PDHX: variants seen among roughly 807,000 people sequenced by gnomAD.
PDHX encodes the protein pyruvate dehydrogenase protein X component, mitochondrial.
Under a neutral mutation model 55.3 loss-of-function variants are expected in PDHX, and 33 were observed. The observed-to-expected ratio is 0.60, with a 90% CI of 0.45 to 0.80. The LOEUF is 0.80. PDHX is among the 30% of genes least tolerant of loss of function. PDHX has a pLI of 0.00. For missense variants in PDHX, 622 were observed against 619.9 expected (o/e 1.00, Z -0.04); for synonymous variants, 226 against 219.4 (o/e 1.03, Z -0.27).
chr11:34,982,922 A>G (rs1855550714), intron 8 of PDHX, among the ~76,000 whole-genome samples: 1 of 152,186 alleles, frequency 6.6e-6, no homozygotes, highest in African/African-American at 2.4e-5. Context: ...AACTCATTTT[A>G]TGAGGCCAGC....
intron 1 of PDHX, among the ~76,000 whole-genome samples, chr11:34,928,689 G>A (rs1854084453): frequency 6.6e-6 from 1 of 152,062 alleles, no homozygotes; most frequent in Admixed American, 6.6e-5. Flanking sequence ...CTTTATGCAC[G>A]TTTTAAGAAT....
intron 3 of PDHX, among the ~76,000 whole-genome samples, chr11:34,952,005 T>G (rs983893109): frequency 9.9e-5 from 15 of 152,154 alleles, no homozygotes; most frequent in Non-Finnish European, 2.2e-4. Context: ...ATCAAATAGT[T>G]GTAGATATGC....
intron 1 of PDHX, among the ~76,000 whole-genome samples, chr11:34,929,335 A>C (rs1311688467): frequency 6.6e-6 from 1 of 152,136 alleles, no homozygotes; most frequent in East Asian, 1.9e-4. Flanking sequence ...GATTCGAGTG[A>C]TTCTCATGCC....
intron 2 of PDHX, among the ~76,000 whole-genome samples, chr11:34,939,537 G>A (rs1489957790): frequency 6.6e-6 from 1 of 151,986 alleles, no homozygotes; most frequent in Non-Finnish European, 1.5e-5. Context: ...TTACACCAAG[G>A]AGGTAAGGGT....
chr11:34,955,826 A>G (rs1446037753), intron 3 of PDHX, among the ~76,000 whole-genome samples: 2 of 151,980 alleles, frequency 1.3e-5, no homozygotes, highest in Admixed American at 6.6e-5. Flanking sequence ...TTAATGCTTT[A>G]CATTTGAATG....
intron 9 of PDHX, among the ~76,000 whole-genome samples, chr11:34,988,073 T>G (rs1043775309): frequency 6.6e-6 from 1 of 152,194 alleles, no homozygotes; most frequent in Non-Finnish European, 1.5e-5. Flanking sequence ...GTTTATGTAT[T>G]TAAACAGATA....
At chr11:34,972,364 G>A (rs1855275073) in intron 7 of PDHX, among the ~76,000 whole-genome samples, 1 of 150,260 alleles carries the variant, frequency 6.7e-6, no homozygotes, top group Non-Finnish European at 1.5e-5. Context: ...TTATCTTTAA[G>A]CACTGCTTTA....
intron 1 of PDHX, 67 bp from the exon 2 acceptor site, chr11:34,931,337 A>G (rs1854159169): frequency 1.2e-6 from 1 of 843,976 alleles, no homozygotes; most frequent in African/African-American, 1.7e-5. Context: ...ATTTACTTGA[A>G]CTTATATTGA....
At position 34,957,539 on chromosome 11, in the gene PDHX, G is replaced by T. The variant is rs781780010; in HGVS notation, c.498G>T (p.Gln166His). The T allele has an allele frequency of 4.3e-6, 7 of 1,613,902 alleles. No individual in the cohort carries two copies. The highest frequency in any genetic ancestry group is 2.2e-5 in the East Asian group (1 of 44,872). Reference sequence around the variant, plus strand: ...AGCCTCGCCCCTCACCAGAACCACAGATTTCCATCCCTGTCAAGAAGGAAC... The same window carrying T: ...AGCCTCGCCCCTCACCAGAACCACATATTTCCATCCCTGTCAAGAAGGAAC... The part of the protein sequence containing the change: ...PSEPRPSPEP[Q>H]ISIPVKKEHI... The change falls in exon 4 of 11, where the codon CAG (glutamine) becomes CAT (histidine). Residue 166 changes from glutamine to histidine, a missense_variant. Transcript: ENST00000227868.
At chr11:34,917,174 A>G (rs915715540) in intron 1 of PDHX, among the ~76,000 whole-genome samples, 1 of 152,130 alleles carries the variant, frequency 6.6e-6, no homozygotes, top group Non-Finnish European at 1.5e-5. Flanking sequence ...CGGACGAGAA[A>G]AAGCTGCCCA....
chr11:34,992,525 A>G (rs550363607), intron 10 of PDHX, 146 bp downstream of exon 10: 1 of 589,930 alleles, frequency 1.7e-6, no homozygotes, highest in South Asian at 2.0e-5. Context: ...ATCTGAAAAA[A>G]TTCTTCAGAC....
rs1279879632 is a variant in PDHX, at chr11:34,916,821, T to C, written c.160+6T>C. On this transcript the variant is annotated splice_donor_region_variant and intron_variant, in intron 1 of 10. Coordinates refer to ENST00000227868, the MANE Select transcript of PDHX (RefSeq NM_003477.3). The stretch of plus-strand genomic sequence containing the variant: ...CAGCACGCAGTGGCTTCGGGGTGAG[T>C]GGCCGGGGCTCGCTCAGCTTCTCTG... 1 of 1,564,274 alleles carries C rather than the reference T, an allele frequency of 6.4e-7. No individual in the cohort carries two copies. Among genetic ancestry groups the C allele is most frequent in the Non-Finnish European group, 8.7e-7 (1 of 1,154,564 alleles).
chr11:34,955,934 A>G (rs1333081235), intron 3 of PDHX, among the ~76,000 whole-genome samples: 6 of 152,140 alleles, frequency 3.9e-5, no homozygotes, highest in African/African-American at 1.4e-4. Context: ...GCTTTTTTGT[A>G]TACATTTTTA....
At chr11:34,966,286 A>G (rs1314535813) in intron 5 of PDHX, among the ~76,000 whole-genome samples, 1 of 152,248 alleles carries the variant, frequency 6.6e-6, no homozygotes, top group East Asian at 1.9e-4. Context: ...ATATTATTTC[A>G]TGAGTATAAA....
At chr11:34,985,701 A>G (rs1157051985) in intron 9 of PDHX, among the ~76,000 whole-genome samples, 1 of 152,164 alleles carries the variant, frequency 6.6e-6, no homozygotes, top group East Asian at 1.9e-4. Context: ...TTATCTTTCC[A>G]TTTGCCAAGG....
chr11:34,928,130 A>G (rs1484635574), intron 1 of PDHX, among the ~76,000 whole-genome samples: 1 of 152,148 alleles, frequency 6.6e-6, no homozygotes, highest in East Asian at 1.9e-4. Context: ...GAATCATAAA[A>G]TAAATGTGAA....
chr11:34,964,841 A>G (rs1855096067), intron 5 of PDHX, among the ~76,000 whole-genome samples: 1 of 144,470 alleles, frequency 6.9e-6, no homozygotes. Context: ...AATATTAGCT[A>G]GCTATTAGCA....
intron 1 of PDHX, among the ~76,000 whole-genome samples, chr11:34,922,100 T>G (rs1853895217): frequency 6.6e-6 from 1 of 152,242 alleles, no homozygotes; most frequent in Non-Finnish European, 1.5e-5. Flanking sequence ...AAACATCTTC[T>G]GTTACCACAG....
intron 4 of PDHX, 137 bp from the exon 5 acceptor site, chr11:34,960,283 G>C (rs2058404967): frequency 1.6e-6 from 1 of 635,932 alleles, no homozygotes; most frequent in Admixed American, 2.3e-5. Flanking sequence ...TTATTTGACT[G>C]TGACCATCTG....
Sources: gnomAD v4.1 joint callset for allele counts (sites outside exome capture counted in the v4.1 genomes callset) on GRCh38, gnomAD v4.1.1 for gene constraint, MANE v1.5 for transcripts, NCBI Gene and HGNC (gene_info 2026-07-23, HGNC 2026-07-21) for gene names.